Variants in SLC2A9 observed in about 807,000 individuals in gnomAD.
The protein encoded by SLC2A9 is solute carrier family 2, facilitated glucose transporter member 9.
Under a neutral mutation model 50.6 loss-of-function variants are expected in SLC2A9, and 39 were observed. The ratio of observed to expected loss-of-function variants is 0.77; its 90% confidence interval spans 0.60 to 1.01. The LOEUF (loss-of-function observed/expected upper bound fraction) is 1.01. Ranked by LOEUF, SLC2A9 falls within the 50% of genes least tolerant of loss-of-function variation. SLC2A9 has a pLI of 0.00. For synonymous variants in SLC2A9, 324 were observed against 276.9 expected (o/e 1.17, Z -1.69); for missense variants, 686 against 677.6 (o/e 1.01, Z -0.14).
intron 3 of SLC2A9, chr4:9,799,362 C>G (rs1364990571): frequency 1.3e-5 from 2 of 152,180 alleles, no homozygotes; most frequent in East Asian, 3.8e-4. Context: ...TCTGCAGATT[C>G]AGTGTCTTGG....
chr4:9,781,959 A>C, intron 3 of SLC2A9: 1 of 1,310,546 alleles, frequency 7.6e-7, no homozygotes, highest in Non-Finnish European at 1.0e-6. Flanking sequence ...GGGGTGCCCG[A>C]TGGGGCTGCC....
At chr4:9,876,069 G>C (rs1734272653) in intron 10 of SLC2A9, among the ~76,000 whole-genome samples, 1 of 152,256 alleles carries the variant, frequency 6.6e-6, no homozygotes, top group African/African-American at 2.4e-5. Flanking sequence ...TGGTTCTTGG[G>C]AGGTGGCAAG....
downstream of SLC2A9, among the ~76,000 whole-genome samples, chr4:9,821,600 A>T (rs544260504): frequency 1.1e-4 from 16 of 152,180 alleles, 1 homozygote; most frequent in Middle Eastern, 3.4e-3. Context: ...TACCTATGTA[A>T]CAAACCTGCA....
At chr4:9,773,123 C>T (rs1355213836) in intron 1 of SLC2A9, among the ~76,000 whole-genome samples, 2 of 152,308 alleles carry the variant, frequency 1.3e-5, no homozygotes, top group East Asian at 3.9e-4. Context: ...TGCCAGAAAC[C>T]TCCTTGCTCC....
At chr4:10,011,886 C>T (rs1031848248) in intron 2 of SLC2A9, among the ~76,000 whole-genome samples, 2 of 152,244 alleles carry the variant, frequency 1.3e-5, no homozygotes, top group African/African-American at 4.8e-5. Flanking sequence ...AGCCAGCCCT[C>T]TGCCCAGAGG....
exon 2 of SLC2A9, chr4:9,771,228 T>C: frequency 5.6e-6 from 2 of 357,508 alleles, no homozygotes; most frequent in East Asian, 4.0e-5. Flanking sequence ...TGAGTAATAA[T>C]CCCTAACCTC....
chr4:9,983,823 A>C (rs959677017), intron 4 of SLC2A9, among the ~76,000 whole-genome samples: 1 of 152,260 alleles, frequency 6.6e-6, no homozygotes. Flanking sequence ...TTTTAAATAC[A>C]TCAAACCTAA....
At chr4:9,985,921 G>A in intron 3 of SLC2A9, 128 bp from the exon 4 acceptor site, 5 of 1,331,450 alleles carry the variant, frequency 3.8e-6, no homozygotes, top group Non-Finnish European at 5.3e-6. Flanking sequence ...ACAGTGCAGG[G>A]AGCACTGGCC....
At chr4:9,810,498 T>C (rs546414679) in intron 3 of SLC2A9, among the ~76,000 whole-genome samples, 4 of 152,376 alleles carry the variant, frequency 2.6e-5, no homozygotes, top group African/African-American at 9.6e-5. Context: ...GAAATCTTCC[T>C]TAGTATCTGA....
Position 9,908,336 on chromosome 4 carries a change from A to G in SLC2A9, c.1012T>C (p.Tyr338His). The stretch of plus-strand genomic sequence containing the variant: ...GCTTTTCCAAAGATGCTGTTGGTAT[A>G]GAACCAAATCTGTAATTCAGGAAAG... ...QLCGLNAIWF[Y>H]TNSIFGKAGI... The change falls in exon 8 of 12, where the codon TAT becomes CAT. Residue 338 changes from tyrosine to histidine, a missense_variant. Coordinates refer to ENST00000264784, the MANE Select transcript of SLC2A9 (RefSeq NM_020041.3). 2 of 1,607,090 alleles carry G rather than the reference A, an allele frequency of 1.2e-6. No homozygotes were observed. The highest frequency in any genetic ancestry group is 1.7e-6 in the Non-Finnish European group (2 of 1,173,432).
chr4:9,805,687 GTTT>G (rs58280694), intron 3 of SLC2A9, among the ~76,000 whole-genome samples: 2,189 of 117,780 alleles, frequency 0.019, 32 homozygotes, highest in African/African-American at 0.023. Context: ...CAGGGTGTCA[GTTT>G]TTTTTTTTTT....
At chr4:9,940,367 T>C (rs1220717311) in intron 6 of SLC2A9, among the ~76,000 whole-genome samples, 2 of 152,214 alleles carry the variant, frequency 1.3e-5, no homozygotes, top group Non-Finnish European at 2.9e-5. Context: ...GGTATCTCTC[T>C]GTGCACGAGG....
chr4:9,775,975 T>C (rs867241916), downstream of SLC2A9, among the ~76,000 whole-genome samples: 5 of 152,040 alleles, frequency 3.3e-5, no homozygotes, highest in African/African-American at 1.2e-4. Flanking sequence ...TGTGGGATGT[T>C]CCTAAGGCTC....
Position 9,880,036 on chromosome 4 carries a change from T to C in SLC2A9, c.1291+7531A>G, listed in dbSNP as rs996218755. On this transcript the variant is annotated intron_variant, in intron 10 of 11. Coordinates refer to ENST00000264784, the MANE Select transcript of SLC2A9 (RefSeq NM_020041.3). ...TCCTGGGAGATCCATCCCTCTTCTTTAATCATGGAGAGCAGGCCCATGAGT... is the reference window on the plus strand; with the variant it reads ...TCCTGGGAGATCCATCCCTCTTCTTCAATCATGGAGAGCAGGCCCATGAGT... 4.1e-6 allele frequency: 4 copies of C among 985,308 alleles called. No individual in the cohort carries two copies. The African/African-American group carries it at 7.0e-5, about 17-fold the overall frequency. 61.0% of individuals were successfully genotyped at this position (985,308 alleles called of 1,614,324 possible). A position where few individuals can be genotyped will look rare whatever the true frequency, so the allele number is the denominator to read the frequency against.
At chr4:9,802,268 C>T (rs1577327013) in intron 3 of SLC2A9, among the ~76,000 whole-genome samples, 3 of 147,010 alleles carry the variant, frequency 2.0e-5, no homozygotes, top group South Asian at 4.3e-4. Context: ...GAAAAATGCT[C>T]TTTTTTTTTT....
intron 7 of SLC2A9, among the ~76,000 whole-genome samples, chr4:9,911,223 C>T (rs1322287267): frequency 6.6e-6 from 1 of 151,986 alleles, no homozygotes. Context: ...GAAATCAGTC[C>T]ACAGATCCTC....
intron 7 of SLC2A9, among the ~76,000 whole-genome samples, chr4:9,908,836 G>A (rs969406779): frequency 2.0e-5 from 3 of 152,212 alleles, no homozygotes; most frequent in South Asian, 2.1e-4. Context: ...ATGTTGGTGG[G>A]GCTTCCAGGA....
intron 5 of SLC2A9, among the ~76,000 whole-genome samples, chr4:9,945,003 G>A (rs1170113909): frequency 2.0e-5 from 3 of 152,200 alleles, no homozygotes; most frequent in Non-Finnish European, 4.4e-5. Context: ...CATTCCTGCC[G>A]TGGGGCCACA....
At chr4:9,928,557 C>T (rs1440735075) in intron 6 of SLC2A9, among the ~76,000 whole-genome samples, 4 of 152,142 alleles carry the variant, frequency 2.6e-5, no homozygotes, top group African/African-American at 7.2e-5. Flanking sequence ...CGTGGTGAAA[C>T]CCCATCTCTA....
Sources: gnomAD v4.1 joint callset for allele counts (sites outside exome capture counted in the v4.1 genomes callset) on GRCh38, gnomAD v4.1.1 for gene constraint, MANE v1.5 for transcripts, NCBI Gene and HGNC (gene_info 2026-07-23, HGNC 2026-07-21) for gene names.